The following RICTOR variants were observed in gnomAD, a reference collection of about 807,000 sequenced individuals.
RICTOR encodes the protein rapamycin-insensitive companion of mTOR.
Under a neutral mutation model 214.9 loss-of-function variants are expected in RICTOR, and 49 were observed. The observed-to-expected ratio is 0.23, with a 90% confidence interval of 0.18 to 0.29. The LOEUF (loss-of-function observed/expected upper bound fraction) is 0.29, where lower values mean the gene tolerates loss of function less well. RICTOR is among the 10% of genes least tolerant of loss of function. RICTOR has a pLI of 1.00. For synonymous variants in RICTOR, 717 were observed against 711.3 expected, an observed-to-expected ratio of 1.01 and a Z score of -0.13; for missense variants, 1,625 against 2,047.0, an observed-to-expected ratio of 0.79 and a Z score of 3.98.
At chr5:38,973,774 T>C (rs897221096) in intron 10 of RICTOR, among the ~76,000 whole-genome samples, 8 of 152,306 alleles carry the variant, frequency 5.3e-5, no homozygotes, top group Admixed American at 2.0e-4. Flanking sequence ...CAAAAGATCA[T>C]ACTCTGTGCT....
intron 2 of RICTOR, among the ~76,000 whole-genome samples, chr5:39,051,752 CA>C (rs34743371): frequency 1.6e-4 from 23 of 147,634 alleles, no homozygotes; most frequent in African/African-American, 5.0e-4. Flanking sequence ...GACTCTGTCT[CA>C]AAAAAAAAAG....
intron 7 of RICTOR, 139 bp downstream of exon 7, chr5:38,990,810 G>GATATATGAT (rs1561503491): frequency 1.1e-4 from 14 of 127,150 alleles, no homozygotes; most frequent in Middle Eastern, 2.4e-3. Context: ...ATATATATGA[G>GATATATGAT]ATATATGAGA....
rs146874555 is a variant in RICTOR, at chr5:38,959,027, G to A, written c.2178+168C>T. ...TTTCTATCTAGCAGCTTCTTCCCCC[G>A]ATACAAAAATCTGAGTACTATATGC... On this transcript the variant is annotated intron_variant, in intron 22 of 37. Coordinates refer to ENST00000357387, the MANE Select transcript of RICTOR (RefSeq NM_152756.5). Among the ~76,000 whole-genome samples the A allele has an allele frequency of 5.9e-4, 90 of 151,986 alleles. 1 individual carries two copies. The highest frequency in any genetic ancestry group is 3.4e-3 in the Middle Eastern group (1 of 294).
intron 3 of RICTOR, among the ~76,000 whole-genome samples, chr5:39,018,720 G>A (rs1755158917): frequency 6.6e-6 from 1 of 151,598 alleles, no homozygotes; most frequent in Non-Finnish European, 1.5e-5. Flanking sequence ...TCTCTCCTTG[G>A]GCCTATTTCC....
intron 7 of RICTOR, among the ~76,000 whole-genome samples, chr5:38,988,558 A>G (rs1752345680): frequency 6.6e-6 from 1 of 151,946 alleles, no homozygotes; most frequent in Non-Finnish European, 1.5e-5. Flanking sequence ...ATATTCCCCC[A>G]TCCCTTTATT....
At position 38,981,931 on chromosome 5, in the gene RICTOR, G is replaced by A; in HGVS notation, c.689C>T (p.Thr230Ile). ...LSRINEALIT[T>I]ILHLLNHPKT... The stretch of plus-strand genomic sequence containing the variant: ...TGGATGATTAAGAAGGTGCAAAATT[G>A]TAGTAATTAGGGCCTCATTTATTCG... The change falls in exon 8 of 38, where the codon ACA becomes ATA. Residue 230 changes from threonine to isoleucine, a missense_variant. Coordinates refer to ENST00000357387, the MANE Select transcript of RICTOR (RefSeq NM_152756.5). 5.0e-6 allele frequency: 8 copies of A among 1,613,102 alleles called. No homozygotes were observed. The highest frequency in any genetic ancestry group is 5.9e-6 in the Non-Finnish European group (7 of 1,179,162).
At chr5:38,996,946 T>C in intron 5 of RICTOR, 64 bp from the exon 6 acceptor site, 1 of 1,071,652 alleles carries the variant, frequency 9.3e-7, no homozygotes, top group Non-Finnish European at 1.4e-6. Flanking sequence ...TGTATCACAA[T>C]ACTGATAGAT....
At chr5:39,014,640 T>C (rs1185110328) in intron 3 of RICTOR, among the ~76,000 whole-genome samples, 2 of 152,044 alleles carry the variant, frequency 1.3e-5, no homozygotes, top group Non-Finnish European at 2.9e-5. Flanking sequence ...AAAAAGCAGG[T>C]CTTTAGATTA....
rs774553252 is a variant in RICTOR, at chr5:38,952,476, C to T, written c.2898-51G>A. 11 of 1,217,726 alleles carry T rather than the reference C, an allele frequency of 9.0e-6. No individual in the cohort carries two copies. In the East Asian group the frequency reaches 2.6e-4, roughly 29 times the overall value. The allele number at this position is 1,217,726 out of a possible 1,614,324, so 75.4% of individuals were successfully genotyped here. ...CAGTTATAATTCCAAGCTGAGATTT[C>T]TTAAAGCCACCACAGATTAATTTGC... On this transcript the variant is annotated intron_variant, in intron 29 of 37. Transcript: ENST00000357387.
intron 2 of RICTOR, among the ~76,000 whole-genome samples, chr5:39,023,091 C>A (rs58330611): frequency 0.62 from 94,214 of 150,860 alleles, 29,303 homozygotes; most frequent in African/African-American, 0.66. Context: ...AGATTAAAAA[C>A]AAGAAGTTAC....
intron 2 of RICTOR, among the ~76,000 whole-genome samples, chr5:39,038,608 T>C (rs368366140): frequency 9.2e-5 from 14 of 152,032 alleles, no homozygotes; most frequent in East Asian, 1.9e-4. Context: ...AGCTGATAAG[T>C]AACTTCAGCA....
At chr5:38,944,101 A>C in intron 36 of RICTOR, 1 of 388,040 alleles carries the variant, frequency 2.6e-6, no homozygotes, top group East Asian at 7.4e-5. Context: ...TTATTTTAAA[A>C]ATAAATCCAT....
chr5:38,994,451 A>AAAAAAAAAAAAAAAAAAAAAAAAAAG lies in RICTOR; in HGVS notation c.456+2367_456+2368insCTTTTTTTTTTTTTTTTTTTTTTTTT, dbSNP rs1304761708. On this transcript the variant is annotated intron_variant, in intron 6 of 37. Transcript: ENST00000357387. Reference sequence around the variant, plus strand: ...AAAAAAAAAAAAAAAAAAAAAAAAAAAGTGCTTCAGATGCCAAAAGCACTA... The same window carrying AAAAAAAAAAAAAAAAAAAAAAAAAAG: ...AAAAAAAAAAAAAAAAAAAAAAAAAAAAAAAAAAAAAAAAAAAAAAAAAAAGAGTGCTTCAGATGCCAAAAGCACTA... Among the ~76,000 whole-genome samples the AAAAAAAAAAAAAAAAAAAAAAAAAAG allele has an allele frequency of 5.9e-5, 6 of 101,562 alleles. 2 individuals carry two copies. Among genetic ancestry groups the AAAAAAAAAAAAAAAAAAAAAAAAAAG allele is most frequent in the African/African-American group, 7.3e-5 (2 of 27,306 alleles). 66.6% of individuals were successfully genotyped at this position (101,562 alleles called of 152,430 possible). A position where few individuals can be genotyped will look rare whatever the true frequency, so the allele number is the denominator to read the frequency against.
chr5:39,016,253 T>A (rs1754934104), intron 3 of RICTOR, among the ~76,000 whole-genome samples: 1 of 148,474 alleles, frequency 6.7e-6, no homozygotes, highest in Non-Finnish European at 1.5e-5. Flanking sequence ...TACAAAAAGT[T>A]TAGAGCCTTC....
chr5:38,941,585 A>G lies in RICTOR; in HGVS notation c.*719T>C. ...AAAAAATGATTTTTAAATTTTATTC[A>G]AGAACTGTAGTGAAAAACCTTAATT... On this transcript the variant is annotated 3_prime_UTR_variant, in exon 38 of 38. Coordinates refer to ENST00000357387, the MANE Select transcript of RICTOR (RefSeq NM_152756.5). 4.3e-6 allele frequency: 1 copy of G among 231,522 alleles called. No individual in the cohort carries two copies. Among genetic ancestry groups the G allele is most frequent in the Non-Finnish European group, 8.6e-6 (1 of 116,852 alleles). 14.3% of individuals were successfully genotyped at this position (231,522 alleles called of 1,614,324 possible).
chr5:39,025,815 C>T (rs1481990494), intron 2 of RICTOR, among the ~76,000 whole-genome samples: 3 of 152,070 alleles, frequency 2.0e-5, no homozygotes, highest in Non-Finnish European at 2.9e-5. Context: ...CAATACGTTA[C>T]GGGTTAGGAT....
chr5:38,983,430 T>C lies in RICTOR; in HGVS notation c.584-1394A>G, dbSNP rs1751890828. On this transcript the variant is annotated intron_variant, in intron 7 of 37. Coordinates refer to ENST00000357387, the MANE Select transcript of RICTOR (RefSeq NM_152756.5). ...CCATCTACAAAGTAACACTGTCTCC[T>C]TTCCAATATATAAACATATTTTATT... is the stretch of plus-strand genomic sequence containing the variant. Among the ~76,000 whole-genome samples the C allele has an allele frequency of 2.6e-5, 4 of 152,214 alleles. No homozygotes were observed. In the South Asian group the frequency reaches 6.2e-4, roughly 24 times the overall value.
chr5:39,055,156 C>A (rs1198808336), intron 2 of RICTOR, among the ~76,000 whole-genome samples: 2 of 152,156 alleles, frequency 1.3e-5, no homozygotes, highest in East Asian at 1.9e-4. Context: ...ACACTCCTGC[C>A]TGAAACCCTC....
intron 3 of RICTOR, among the ~76,000 whole-genome samples, chr5:39,017,132 T>C (rs1755021171): frequency 6.6e-6 from 1 of 152,146 alleles, no homozygotes; most frequent in African/African-American, 2.4e-5. Flanking sequence ...CAGGAATTAC[T>C]GCCATTCTTA....
Sources: gnomAD v4.1 joint callset for allele counts (sites outside exome capture counted in the v4.1 genomes callset) on GRCh38, gnomAD v4.1.1 for gene constraint, MANE v1.5 for transcripts, NCBI Gene and HGNC (gene_info 2026-07-23, HGNC 2026-07-21) for gene names.